Variants in ADD1 observed in about 807,000 individuals in gnomAD.
ADD1 encodes alpha-adducin.
Under a neutral mutation model 80.5 loss-of-function variants are expected in ADD1, and 24 were observed. The observed-to-expected ratio is 0.30, with a 90% confidence interval of 0.22 to 0.42. The LOEUF (loss-of-function observed/expected upper bound fraction) is 0.42. Ranked by LOEUF, ADD1 falls within the 10% of genes least tolerant of loss-of-function variation. The pLI, the probability that ADD1 is intolerant of heterozygous loss-of-function variation, is 1.00. For synonymous variants in ADD1, 373 were observed against 393.8 expected, an observed-to-expected ratio of 0.95 and a Z score of 0.63; for missense variants, 948 against 1,019.0, an observed-to-expected ratio of 0.93 and a Z score of 0.95.
At chr4:2,909,691 T>C (rs1233045928) in intron 13 of ADD1, among the ~76,000 whole-genome samples, 1 of 152,166 alleles carries the variant, frequency 6.6e-6, no homozygotes, top group Non-Finnish European at 1.5e-5. Flanking sequence ...ACGTGGTGCA[T>C]TTCTGCAGTT....
chr4:2,926,570 C>G lies in ADD1; in HGVS notation c.2047+458C>G, dbSNP rs921066377. Reference sequence around the variant, plus strand: ...TGGCCCTGCCTTTCTTCTTCTGTAACCTGATGGCTGTGACTGAATGCATAG... The same window carrying G: ...TGGCCCTGCCTTTCTTCTTCTGTAAGCTGATGGCTGTGACTGAATGCATAG... On this transcript the variant is annotated intron_variant, in intron 15 of 15. Transcript: ENST00000683351. This position sits in a 1 kb window ranked among gnomAD's most constrained non-coding sequence, Gnocchi z 5.0. 1 of 1,560,774 alleles carries G rather than the reference C, an allele frequency of 6.4e-7. No homozygotes were observed. The highest frequency in any genetic ancestry group is 8.8e-7 in the Non-Finnish European group (1 of 1,138,270).
chr4:2,870,089 CAT>C (rs909965623), intron 1 of ADD1, among the ~76,000 whole-genome samples: 1 of 152,200 alleles, frequency 6.6e-6, no homozygotes, highest in Admixed American at 6.5e-5. Flanking sequence ...AAAAGTAAAT[CAT>C]GTGAATGCTG....
At chr4:2,854,893 A>G (rs1727838145) in intron 1 of ADD1, 1 of 152,240 alleles carries the variant, frequency 6.6e-6, no homozygotes, top group African/African-American at 2.4e-5. Flanking sequence ...TCACTGGACC[A>G]AAATCAAGGT....
At chr4:2,871,511 A>T (rs1433273809) in intron 1 of ADD1, among the ~76,000 whole-genome samples, 4 of 152,240 alleles carry the variant, frequency 2.6e-5, no homozygotes, top group African/African-American at 9.6e-5. Context: ...TAGTAGTATC[A>T]GTCTGAAAAA....
chr4:2,878,484 C>A (rs187637534), intron 2 of ADD1, among the ~76,000 whole-genome samples: 43 of 152,056 alleles, frequency 2.8e-4, no homozygotes, highest in African/African-American at 9.2e-4. Context: ...GTAAAAACAA[C>A]AAGAAGCTAA....
At chr4:2,910,437 G>C (rs1414222735) in intron 13 of ADD1, among the ~76,000 whole-genome samples, 1 of 152,160 alleles carries the variant, frequency 6.6e-6, no homozygotes, top group Non-Finnish European at 1.5e-5. Context: ...TGTGCTTAGA[G>C]CATCCTTCCA....
In ADD1 at chr4:2,918,214, T is replaced by C. The variant is rs60124394; in HGVS notation, c.1948+3174T>C. Among the ~76,000 whole-genome samples, 192 of 152,348 alleles carry C rather than the reference T, an allele frequency of 1.3e-3. 1 individual carries two copies. The East Asian group carries it at 0.033, about 26-fold the overall frequency. ...TTCGCTGAGCAGTGGTTTGTAGTTC[T>C]CCTCGAAGAGGTCTTTCACATCCCT... is the stretch of plus-strand genomic sequence containing the variant. On this transcript the variant is annotated intron_variant, in intron 14 of 15. Coordinates refer to ENST00000683351, the MANE Select transcript of ADD1 (RefSeq NM_001354761.2).
At chr4:2,874,495 T>C (rs957212209) in intron 1 of ADD1, among the ~76,000 whole-genome samples, 2 of 151,110 alleles carry the variant, frequency 1.3e-5, no homozygotes, top group African/African-American at 4.9e-5. Context: ...TAATCAAAGC[T>C]ACTCGGGAGG....
At chr4:2,922,251 G>T (rs547386533) in intron 14 of ADD1, among the ~76,000 whole-genome samples, 52 of 150,968 alleles carry the variant, frequency 3.4e-4, no homozygotes, top group African/African-American at 1.1e-3. Flanking sequence ...TTTTGCACTG[G>T]TTTTTCCTCG....
rs1279748528 is a variant in ADD1, at chr4:2,910,696, T to C, written c.1791+1265T>C. ...CCGTGTTCAACCACCAGTTACAGCT[T>C]TGTGTGCTCTGTCCCAGTGATATTC... On this transcript the variant is annotated intron_variant, in intron 13 of 15. Coordinates refer to ENST00000683351, the MANE Select transcript of ADD1 (RefSeq NM_001354761.2). Among the ~76,000 whole-genome samples the C allele has an allele frequency of 2.6e-5, 4 of 152,134 alleles. No homozygotes were observed. In the East Asian group the frequency reaches 7.7e-4, roughly 29 times the overall value.
chr4:2,906,451 T>C (rs1365024654), intron 10 of ADD1, among the ~76,000 whole-genome samples: 2 of 152,000 alleles, frequency 1.3e-5, no homozygotes, highest in Admixed American at 1.3e-4. Flanking sequence ...AGTGCTGAAT[T>C]GCCATGAGGA....
intron 4 of ADD1, among the ~76,000 whole-genome samples, chr4:2,890,481 A>G (rs1734123444): frequency 6.6e-6 from 1 of 152,170 alleles, no homozygotes; most frequent in Admixed American, 6.5e-5. Context: ...ATCTCTGCTC[A>G]CTGCAAGCTC....
intron 8 of ADD1, 48 bp downstream of exon 8, chr4:2,898,579 T>A: frequency 2.6e-6 from 4 of 1,532,900 alleles, no homozygotes; most frequent in Non-Finnish European, 3.6e-6. Flanking sequence ...TAGATGTGTC[T>A]GGGGTTCACA....
intron 14 of ADD1, among the ~76,000 whole-genome samples, chr4:2,918,494 A>G (rs749023777): frequency 1.4e-4 from 21 of 152,200 alleles, no homozygotes; most frequent in Admixed American, 2.6e-4. Flanking sequence ...TCCTATTTGA[A>G]TACACTATAT....
At chr4:2,856,172 A>G (rs1728032668) in intron 1 of ADD1, among the ~76,000 whole-genome samples, 1 of 152,036 alleles carries the variant, frequency 6.6e-6, no homozygotes, top group Non-Finnish European at 1.5e-5. Context: ...GATTACAGGC[A>G]TGAGCCACCA....
intron 4 of ADD1, among the ~76,000 whole-genome samples, chr4:2,890,193 C>CAA (rs764078515): frequency 1.3e-5 from 1 of 79,034 alleles, no homozygotes; most frequent in Non-Finnish European, 2.7e-5. Flanking sequence ...GACTCCGTCT[C>CAA]AAAAAAAAAA....
At chr4:2,911,448 A>ATATATATATATATATTTTTTTTTTTTT (rs553567632) in intron 13 of ADD1, among the ~76,000 whole-genome samples, 17 of 130,482 alleles carry the variant, frequency 1.3e-4, no homozygotes, top group African/African-American at 4.4e-4. Flanking sequence ...ATATATATAT[A>ATATATATATATATATTTTTTTTTTTTT]TTTTTTTTTT....
At chr4:2,922,057 G>T (rs1368261305) in intron 14 of ADD1, among the ~76,000 whole-genome samples, 4 of 151,968 alleles carry the variant, frequency 2.6e-5, no homozygotes, top group Middle Eastern at 3.4e-3. Context: ...AAGGTTCTTA[G>T]CCTCCTTGCA....
intron 1 of ADD1, among the ~76,000 whole-genome samples, chr4:2,862,155 A>G (rs1244563892): frequency 4.6e-5 from 7 of 152,316 alleles, no homozygotes; most frequent in Admixed American, 4.6e-4. Context: ...GTAGCTGGAG[A>G]GGTTGGAGGA....
Sources: allele counts gnomAD v4.1 joint callset (sites outside exome capture counted in the v4.1 genomes callset), GRCh38; gene constraint gnomAD v4.1.1; non-coding constraint Gnocchi (gnomAD v3.1); transcripts MANE v1.5; gene names NCBI Gene and HGNC (gene_info 2026-07-23, HGNC 2026-07-21).